The following REV1 variants were observed in gnomAD, a reference collection of about 807,000 sequenced individuals.
The protein encoded by REV1 is REV1 DNA directed polymerase, also known as translesion synthesis protein REV1.
REV1 carries 42 observed loss-of-function variants against 137.4 expected under a neutral mutation model. The ratio of observed to expected loss-of-function variants is 0.31; its 90% CI spans 0.24 to 0.40. The LOEUF (loss-of-function observed/expected upper bound fraction) is 0.40, where lower values mean the gene tolerates loss of function less well. Ranked by LOEUF, REV1 falls within the 10% of genes least tolerant of loss-of-function variation. REV1 has a pLI of 1.00. For missense variants in REV1, 1,282 were observed against 1,490.1 expected (o/e 0.86, Z 2.30); for synonymous variants, 524 against 519.2 (o/e 1.01, Z -0.12).
rs566668530 is a variant in REV1, at chr2:99,453,775, C to T, written c.182-4271G>A. Among the ~76,000 whole-genome samples, 128 of 151,588 alleles carry T rather than the reference C, an allele frequency of 8.4e-4. 1 individual carries two copies. The highest frequency in any genetic ancestry group is 3.8e-3 in the South Asian group (18 of 4,786). On this transcript the variant is annotated intron_variant, in intron 3 of 22. Transcript: ENST00000258428. ...GGGCATGGTAACACGCGCCTGTAGT[C>T]CCAGCTACTCAGGAGGCTGAGGCAG...
rs1226417973 is a variant in REV1, at chr2:99,401,110, T to G, written c.*131A>C. The G allele has an allele frequency of 1.9e-6, 1 of 520,196 alleles. No individual in the cohort carries two copies. Among genetic ancestry groups the G allele is most frequent in the Non-Finnish European group, 3.4e-6 (1 of 296,576 alleles). The allele number at this position is 520,196 out of a possible 1,614,324, so 32.2% of individuals were successfully genotyped here. On this transcript the variant is annotated 3_prime_UTR_variant, in exon 23 of 23. Transcript: ENST00000258428. ...AAATTTGGCACTTTTTGAAAAGAAATGTACAAAACACTTGCTTTAAAAGAA... is the reference window on the plus strand; with the variant it reads ...AAATTTGGCACTTTTTGAAAAGAAAGGTACAAAACACTTGCTTTAAAAGAA...
At chr2:99,433,476 G>C (rs901895274) in intron 8 of REV1, among the ~76,000 whole-genome samples, 1 of 152,090 alleles carries the variant, frequency 6.6e-6, no homozygotes, top group Non-Finnish European at 1.5e-5. Flanking sequence ...TCCCAAAAAA[G>C]GTCCTCAGAG....
Position 99,439,314 on chromosome 2 carries a change from A to G in REV1, c.504-4T>C. The G allele has an allele frequency of 1.3e-6, 2 of 1,588,488 alleles. No individual in the cohort carries two copies. Among genetic ancestry groups the G allele is most frequent in the Non-Finnish European group, 1.7e-6 (2 of 1,166,776 alleles). ...AATCTTCTTAACGATGTGATTTCTA[A>G]AGCAGGAAAAAATTTTTGAGTTAAT... On this transcript the variant is annotated splice_polypyrimidine_tract_variant and splice_region_variant and intron_variant, in intron 5 of 22. Transcript: ENST00000258428.
chr2:99,435,782 T>C (rs1680668671), intron 7 of REV1, 52 bp downstream of exon 7: 1 of 903,960 alleles, frequency 1.1e-6, no homozygotes, highest in African/African-American at 1.7e-5. Flanking sequence ...TCTTTGAATA[T>C]ATATTTATAA....
At chr2:99,484,128 A>G (rs1686902521) in intron 1 of REV1, among the ~76,000 whole-genome samples, 1 of 152,214 alleles carries the variant, frequency 6.6e-6, no homozygotes, top group Non-Finnish European at 1.5e-5. Flanking sequence ...ACACGAACAG[A>G]ACACCAAACA....
chr2:99,412,257 CAAAAAAAAAAAAAAA>C (rs1160440580), intron 13 of REV1, among the ~76,000 whole-genome samples: 1 of 53,042 alleles, frequency 1.9e-5, no homozygotes, highest in African/African-American at 7.0e-5. Context: ...GACTCCATCT[CAAAAAAAAAAAAAAA>C]AAAAAAAAAA....
chr2:99,457,592 C>T (rs2105053341), intron 3 of REV1, among the ~76,000 whole-genome samples: 2 of 130,630 alleles, frequency 1.5e-5, no homozygotes, highest in Admixed American at 1.8e-4. Context: ...AGCTGAGGTA[C>T]AAGAATCGCT....
intron 3 of REV1, among the ~76,000 whole-genome samples, chr2:99,461,767 C>A (rs1684235536): frequency 6.6e-6 from 1 of 152,144 alleles, no homozygotes; most frequent in Non-Finnish European, 1.5e-5. Flanking sequence ...CTGCTTGTTA[C>A]CAGTAAAACA....
intron 1 of REV1, among the ~76,000 whole-genome samples, chr2:99,465,808 A>T (rs1196625200): frequency 6.6e-6 from 1 of 152,246 alleles, no homozygotes; most frequent in Admixed American, 6.5e-5. Flanking sequence ...AATGGTTACC[A>T]TATGAAGCCT....
At chr2:99,467,903 G>A (rs1684991248) in intron 1 of REV1, among the ~76,000 whole-genome samples, 1 of 151,454 alleles carries the variant, frequency 6.6e-6, no homozygotes, top group Admixed American at 6.6e-5. Context: ...AAAGATTGCT[G>A]GGCACGATGG....
At chr2:99,401,424 A>C in intron 22 of REV1, 72 bp from the exon 23 acceptor site, 1 of 1,016,016 alleles carries the variant, frequency 9.8e-7, no homozygotes. Context: ...TCCTTTTTAT[A>C]TATAAAAATT....
At chr2:99,415,858 C>T (rs1331456438) in intron 12 of REV1, among the ~76,000 whole-genome samples, 2 of 152,246 alleles carry the variant, frequency 1.3e-5, no homozygotes, top group African/African-American at 4.8e-5. Context: ...AGGTAAAAAG[C>T]CCTGCAAAGA....
At chr2:99,410,500 T>C (rs1676983015) in intron 14 of REV1, among the ~76,000 whole-genome samples, 195 bp downstream of exon 14, 1 of 152,122 alleles carries the variant, frequency 6.6e-6, no homozygotes, top group South Asian at 2.1e-4. Flanking sequence ...CAACCTCCTG[T>C]GTGTGGGCCT....
chr2:99,428,450 C>T (rs1302838763), intron 9 of REV1, among the ~76,000 whole-genome samples: 1 of 151,958 alleles, frequency 6.6e-6, no homozygotes, highest in African/African-American at 2.4e-5. Flanking sequence ...ACAATGAAAA[C>T]CATTAAAACA....
At chr2:99,454,137 T>C (rs531075570) in intron 3 of REV1, among the ~76,000 whole-genome samples, 28 of 151,452 alleles carry the variant, frequency 1.8e-4, no homozygotes, top group East Asian at 1.2e-3. Flanking sequence ...TGCTTGTAAT[T>C]TGAAAGATTT....
chr2:99,486,003 T>G (rs1687086513), intron 1 of REV1, among the ~76,000 whole-genome samples: 1 of 152,042 alleles, frequency 6.6e-6, no homozygotes, highest in South Asian at 2.1e-4. Flanking sequence ...CACATGCCTG[T>G]AGTGCAGGCT....
chr2:99,481,140 T>C (rs764891967), intron 1 of REV1, among the ~76,000 whole-genome samples: 5 of 152,180 alleles, frequency 3.3e-5, no homozygotes, highest in African/African-American at 4.8e-5. Context: ...CTAACACAAA[T>C]AGATTATCAA....
At chr2:99,448,734 C>G (rs1403554354) in intron 4 of REV1, among the ~76,000 whole-genome samples, 1 of 152,164 alleles carries the variant, frequency 6.6e-6, no homozygotes, top group Non-Finnish European at 1.5e-5. Flanking sequence ...CCCAAGAACA[C>G]AGAACACTGC....
intron 14 of REV1, among the ~76,000 whole-genome samples, chr2:99,409,878 G>T (rs1676891269): frequency 8.2e-6 from 1 of 121,748 alleles, no homozygotes; most frequent in Non-Finnish European, 1.7e-5. Context: ...AAAAAAAACA[G>T]CGTTTTTAAA....
Sources: gnomAD v4.1 joint callset for allele counts (sites outside exome capture counted in the v4.1 genomes callset) on GRCh38, gnomAD v4.1.1 for gene constraint, MANE v1.5 for transcripts, NCBI Gene and HGNC (gene_info 2026-07-23, HGNC 2026-07-21) for gene names.